The following ST8SIA6 variants were observed in gnomAD, a reference collection of about 807,000 sequenced individuals.
The protein encoded by ST8SIA6 is alpha-2,8-sialyltransferase 8F.
In ST8SIA6, 39 loss-of-function variants were observed where a neutral mutation model predicts 33.6. The observed-to-expected ratio is 1.16, with a 90% CI of 0.90 to 1.52. The LOEUF (loss-of-function observed/expected upper bound fraction) is 1.52, where lower values mean the gene tolerates loss of function less well. Ranked by LOEUF, ST8SIA6 falls within the 40% of genes most tolerant of loss-of-function variation. The pLI is 0.00. For missense variants in ST8SIA6, 441 were observed against 443.8 expected (o/e 0.99, Z 0.06); for synonymous variants, 172 against 167.2 (o/e 1.03, Z -0.22).
chr10:17,356,219 C>G lies in ST8SIA6; in HGVS notation c.377+3295G>C, dbSNP rs146876287. Among the ~76,000 whole-genome samples the G allele has an allele frequency of 9.3e-4, 141 of 151,856 alleles. 1 individual carries two copies. The highest frequency in any genetic ancestry group is 1.5e-5 in the Non-Finnish European group (1 of 67,942). ...GAGGCCCTATTTTGTGCCCAGCACT[C>G]TAGCAGGAACAAAAAAAGACTACAG... On this transcript the variant is annotated intron_variant, in intron 4 of 7. Coordinates refer to ENST00000377602, the MANE Select transcript of ST8SIA6 (RefSeq NM_001004470.3).
At chr10:17,354,948 A>T (rs1395412682) in intron 4 of ST8SIA6, among the ~76,000 whole-genome samples, 1 of 152,212 alleles carries the variant, frequency 6.6e-6, no homozygotes, top group Non-Finnish European at 1.5e-5. Context: ...TAAAAGCTGA[A>T]GGAAGTTTGA....
At chr10:17,389,619 T>C (rs190266380) in intron 3 of ST8SIA6, among the ~76,000 whole-genome samples, 3 of 152,190 alleles carry the variant, frequency 2.0e-5, no homozygotes, top group East Asian at 1.9e-4. Context: ...CTCTAAAATA[T>C]AGGATTGTAA....
chr10:17,369,704 A>G (rs1849670695), intron 3 of ST8SIA6, among the ~76,000 whole-genome samples: 1 of 152,108 alleles, frequency 6.6e-6, no homozygotes, highest in Admixed American at 6.6e-5. Context: ...TGCTTCATGT[A>G]TTTTGGTGCT....
chr10:17,340,758 C>G (rs374716156), intron 4 of ST8SIA6, among the ~76,000 whole-genome samples: 35 of 152,144 alleles, frequency 2.3e-4, no homozygotes, highest in African/African-American at 8.0e-4. Flanking sequence ...TCTTACAACC[C>G]AAAATATTTT....
intron 4 of ST8SIA6, among the ~76,000 whole-genome samples, chr10:17,344,341 G>A (rs1022483330): frequency 1.1e-4 from 16 of 152,212 alleles, no homozygotes; most frequent in Admixed American, 3.9e-4. Flanking sequence ...ACAGTTCCAC[G>A]TGGCTGGGGA....
rs199880218 is a variant in ST8SIA6 at position 17,374,762 on chromosome 10, T to C, written c.291-15162A>G. Among the ~76,000 whole-genome samples the C allele has an allele frequency of 1.0e-3, 125 of 119,086 alleles. 5 individuals are homozygous for C. Among genetic ancestry groups the C allele is most frequent in the African/African-American group, 3.9e-3 (120 of 30,628 alleles). The allele number at this position is 119,086 out of a possible 152,430, so 78.1% of individuals were successfully genotyped here. On this transcript the variant is annotated intron_variant, in intron 3 of 7. Coordinates refer to ENST00000377602, the MANE Select transcript of ST8SIA6 (RefSeq NM_001004470.3). ...AATAAATAAATAATAAATATATATA[T>C]ATATATTTAGCTCAACTGCCCTCCC...
intron 2 of ST8SIA6, among the ~76,000 whole-genome samples, chr10:17,428,768 G>A (rs1852011455): frequency 6.6e-6 from 1 of 152,192 alleles, no homozygotes; most frequent in Non-Finnish European, 1.5e-5. Context: ...GACAGCCACA[G>A]AGCTGGCATC....
chr10:17,393,758 A>G (rs1365946833), intron 2 of ST8SIA6, among the ~76,000 whole-genome samples: 3 of 152,214 alleles, frequency 2.0e-5, no homozygotes, highest in Admixed American at 2.0e-4. Context: ...ATAAAGGTAA[A>G]GAAATAAACA....
At chr10:17,391,631 A>G (rs1240827034) in intron 2 of ST8SIA6, among the ~76,000 whole-genome samples, 1 of 152,246 alleles carries the variant, frequency 6.6e-6, no homozygotes, top group African/African-American at 2.4e-5. Context: ...AACTCTCTCC[A>G]TAATGAACAC....
intron 3 of ST8SIA6, among the ~76,000 whole-genome samples, chr10:17,386,084 G>A (rs112699162): frequency 0.036 from 5,554 of 152,186 alleles, 120 homozygotes; most frequent in South Asian, 0.06. Context: ...AGGAAGCTGA[G>A]GCAGGAGGAT....
At chr10:17,440,406 A>G (rs1237268396) in intron 2 of ST8SIA6, among the ~76,000 whole-genome samples, 1 of 152,044 alleles carries the variant, frequency 6.6e-6, no homozygotes, top group African/African-American at 2.4e-5. Flanking sequence ...AGGTTTCACT[A>G]TGTTGGCCAG....
Position 17,324,620 on chromosome 10 carries a change from CAG to C in ST8SIA6, c.636-1465_636-1464del, listed in dbSNP as rs557129505. ...CTTAAAACTTAAAAGAAAAATATCT[CAG>C]AATATATTTAATTCATGAGTCTAAA... On this transcript the variant is annotated intron_variant, in intron 6 of 7. Transcript: ENST00000377602. 7.1e-4 allele frequency among the ~76,000 whole-genome samples: 108 copies of C among 151,116 alleles called. 1 individual carries two copies. The highest frequency in any genetic ancestry group is 2.6e-3 in the African/African-American group (107 of 41,292).
intron 3 of ST8SIA6, among the ~76,000 whole-genome samples, chr10:17,387,892 C>T (rs1850440637): frequency 6.6e-6 from 1 of 152,228 alleles, no homozygotes; most frequent in Non-Finnish European, 1.5e-5. Context: ...GAAATGCCCA[C>T]TGTATATCTG....
chr10:17,377,930 A>G (rs956597345), intron 3 of ST8SIA6, among the ~76,000 whole-genome samples: 9 of 152,170 alleles, frequency 5.9e-5, no homozygotes, highest in African/African-American at 1.7e-4. Flanking sequence ...CCCTGACCAT[A>G]GACAATACAA....
At chr10:17,402,664 T>C (rs2131680993) in intron 2 of ST8SIA6, among the ~76,000 whole-genome samples, 1 of 152,060 alleles carries the variant, frequency 6.6e-6, no homozygotes, top group African/African-American at 2.4e-5. Flanking sequence ...CTCAGCAAAC[T>C]ATCGCAAGAA....
intron 2 of ST8SIA6, among the ~76,000 whole-genome samples, chr10:17,447,515 C>T (rs1852762135): frequency 6.6e-6 from 1 of 150,464 alleles, no homozygotes; most frequent in African/African-American, 2.4e-5. Flanking sequence ...GACTATAATC[C>T]ATATTCCAAT....
chr10:17,393,548 C>G (rs368665811), intron 2 of ST8SIA6, among the ~76,000 whole-genome samples: 1 of 152,298 alleles, frequency 6.6e-6, no homozygotes. Context: ...CATGCCCCAC[C>G]TGATTGCAAC....
At chr10:17,382,609 G>A (rs1850193239) in intron 3 of ST8SIA6, among the ~76,000 whole-genome samples, 1 of 152,160 alleles carries the variant, frequency 6.6e-6, no homozygotes, top group African/African-American at 2.4e-5. Context: ...GAGTTACAGG[G>A]CTTTAACTCC....
intron 2 of ST8SIA6, chr10:17,399,016 T>C (rs1850930820): frequency 6.6e-6 from 1 of 152,220 alleles, no homozygotes; most frequent in African/African-American, 2.4e-5. Context: ...AATACTCTTT[T>C]TAATTAACAA....
Sources: gnomAD v4.1 joint callset for allele counts (sites outside exome capture counted in the v4.1 genomes callset) on GRCh38, gnomAD v4.1.1 for gene constraint, MANE v1.5 for transcripts, NCBI Gene and HGNC (gene_info 2026-07-23, HGNC 2026-07-21) for gene names.